NEBL: variants seen among roughly 807,000 people sequenced by gnomAD.
The protein encoded by NEBL is LIM and SH3 protein 2.
NEBL carries 122 observed loss-of-function variants against 140.2 expected under a neutral mutation model. The ratio of observed to expected loss-of-function variants is 0.87; its 90% CI spans 0.75 to 1.01. NEBL has a LOEUF of 1.01. Ranked by LOEUF, NEBL falls within the 50% of genes least tolerant of loss-of-function variation. NEBL has a pLI of 0.00. For synonymous variants in NEBL, 436 were observed against 398.9 expected, an observed-to-expected ratio of 1.09 and a Z score of -1.11; for missense variants, 1,365 against 1,231.3, an observed-to-expected ratio of 1.11 and a Z score of -1.62.
In NEBL at chr10:20,783,499, T is replaced by A. The variant is rs1835162769; in HGVS notation, c.*2248A>T. 2 of 152,224 alleles carry A rather than the reference T, an allele frequency of 1.3e-5. No homozygotes were observed. 9.4% of individuals were successfully genotyped at this position (152,224 alleles called of 1,614,324 possible). A position where few individuals can be genotyped will look rare whatever the true frequency, so the allele number is the denominator to read the frequency against. Reference sequence around the variant, plus strand: ...TGTATTGACTTTTATGCTCAGTGAATCTGGTTTTGAAATCGGTGGATGAAA... The same window carrying A: ...TGTATTGACTTTTATGCTCAGTGAAACTGGTTTTGAAATCGGTGGATGAAA... On this transcript the variant is annotated 3_prime_UTR_variant, in exon 28 of 28. Transcript: ENST00000377122.
chr10:21,265,503 T>C (rs1417127845), intron 1 of NEBL, among the ~76,000 whole-genome samples: 1 of 152,218 alleles, frequency 6.6e-6, no homozygotes, highest in Non-Finnish European at 1.5e-5. Flanking sequence ...GTATTTCTGA[T>C]TGCTGTGTGA....
intron 2 of NEBL, among the ~76,000 whole-genome samples, chr10:20,895,984 G>A (rs1485863456): frequency 6.6e-6 from 1 of 152,164 alleles, no homozygotes; most frequent in Non-Finnish European, 1.5e-5. Context: ...CAAGGTTACT[G>A]GGGAGTCAAC....
chr10:20,951,137 G>T (rs1348780208), intron 4 of NEBL, among the ~76,000 whole-genome samples: 7 of 152,038 alleles, frequency 4.6e-5, no homozygotes, highest in Admixed American at 2.6e-4. Context: ...AGCTGACTTT[G>T]TTACAATTGA....
intron 1 of NEBL, among the ~76,000 whole-genome samples, chr10:21,261,505 T>C (rs1052818460): frequency 4.0e-5 from 6 of 151,392 alleles, no homozygotes; most frequent in African/African-American, 1.5e-4. Flanking sequence ...ACAAACAATA[T>C]AAAAATCAGC....
At chr10:21,172,175 G>A (rs1427134890) in intron 2 of NEBL, 11 of 590,812 alleles carry the variant, frequency 1.9e-5, no homozygotes, top group Non-Finnish European at 3.3e-5. Context: ...GATTGAAGAT[G>A]CATAGACGTT....
At chr10:20,900,580 T>C (rs1167630554), upstream of NEBL, among the ~76,000 whole-genome samples, 1 of 150,306 alleles carries the variant, frequency 6.7e-6, no homozygotes, top group African/African-American at 2.5e-5. Context: ...TCCTAGCACT[T>C]CGGGAGGCCA....
chr10:20,785,686 C>G lies in NEBL; in HGVS notation c.*61G>C. On this transcript the variant is annotated 3_prime_UTR_variant, in exon 28 of 28. Transcript: ENST00000377122. ...AAGTTGTCTTAAAAGTATCTTCTAT[C>G]TTTTAAAAAGATTAGGTTTGGGATA... 1 of 1,556,672 alleles carries G rather than the reference C, an allele frequency of 6.4e-7. No individual in the cohort carries two copies. Among genetic ancestry groups the G allele is most frequent in the Non-Finnish European group, 8.8e-7 (1 of 1,142,010 alleles).
chr10:21,002,596 T>C lies in NEBL; in HGVS notation c.249+17521A>G, dbSNP rs182153378. ...AACTGGCTCACAGTTCTGCAGGCTG[T>C]ACAGGAAGCATGGATGGAGAGGTCT... On this transcript the variant is annotated intron_variant, in intron 3 of 6. Transcript: ENST00000417816. Among the ~76,000 whole-genome samples the C allele has an allele frequency of 1.0e-3, 154 of 152,302 alleles. 1 individual carries two copies. Among genetic ancestry groups the C allele is most frequent in the African/African-American group, 3.6e-3 (150 of 41,558 alleles).
chr10:21,120,374 CAAAA>C (rs1157067083), intron 2 of NEBL, among the ~76,000 whole-genome samples: 737 of 48,158 alleles, frequency 0.015, 43 homozygotes, highest in East Asian at 0.1. Context: ...GACTGTGTCT[CAAAA>C]AAAAAAAAAA....
At chr10:21,100,180 C>G (rs1837407281) in intron 2 of NEBL, among the ~76,000 whole-genome samples, 1 of 152,148 alleles carries the variant, frequency 6.6e-6, no homozygotes. Flanking sequence ...ACCTCTGCTG[C>G]TGTGATCACC....
At chr10:21,256,872 T>C (rs771524967) in intron 1 of NEBL, among the ~76,000 whole-genome samples, 2 of 152,208 alleles carry the variant, frequency 1.3e-5, no homozygotes, top group Non-Finnish European at 2.9e-5. Context: ...TTACTCTTCC[T>C]AATTATTTTT....
At chr10:21,226,401 C>T (rs370358693) in intron 3 of NEBL, among the ~76,000 whole-genome samples, 1 of 152,148 alleles carries the variant, frequency 6.6e-6, no homozygotes, top group African/African-American at 2.4e-5. Context: ...CACTAGTTCA[C>T]ATGCCCCAAA....
At chr10:21,110,898 GTCTGTACAAAATCAA>G (rs1837977009) in intron 2 of NEBL, 1 of 580,722 alleles carries the variant, frequency 1.7e-6, no homozygotes, top group East Asian at 3.1e-5. Context: ...CTTTGAAAAT[GTCTGTACAAAATCAA>G]TGTGCAAAAA....
At chr10:20,844,534 A>G (rs1164536478) in intron 12 of NEBL, among the ~76,000 whole-genome samples, 3 of 151,294 alleles carry the variant, frequency 2.0e-5, no homozygotes, top group African/African-American at 7.3e-5. Flanking sequence ...AAGCTTTTAA[A>G]GGTGGACTAT....
rs76114020 is a variant in NEBL, at chr10:21,227,849, T to C, written n.348+20072A>G. ...CTTCTTTCTTCTTCTTCTTTCTTCT[T>C]CTTTCTTCTTCTTCTTTTTATCTCA... On this transcript the variant is annotated intron_variant and non_coding_transcript_variant, in intron 3 of 8. Coordinates refer to the NEBL transcript ENST00000675702. Among the ~76,000 whole-genome samples, 829 of 151,668 alleles carry C rather than the reference T, an allele frequency of 5.5e-3. 3 individuals are homozygous for C. Among genetic ancestry groups the C allele is most frequent in the Admixed American group, 8.6e-3 (130 of 15,202 alleles).
At chr10:21,028,475 C>G (rs1329638328) in intron 2 of NEBL, among the ~76,000 whole-genome samples, 1 of 152,046 alleles carries the variant, frequency 6.6e-6, no homozygotes, top group African/African-American at 2.4e-5. Flanking sequence ...CAGGCACACA[C>G]ACAAACACAC....
intron 3 of NEBL, among the ~76,000 whole-genome samples, chr10:21,013,494 C>T (rs1375668522): frequency 1.3e-5 from 2 of 152,170 alleles, no homozygotes; most frequent in Non-Finnish European, 2.9e-5. Context: ...GCATAAAAGG[C>T]TTCTTGTCCA....
chr10:21,213,610 C>T (rs892602794), intron 3 of NEBL, among the ~76,000 whole-genome samples: 2 of 152,128 alleles, frequency 1.3e-5, no homozygotes, highest in Admixed American at 6.5e-5. Flanking sequence ...GCTCTCAGGA[C>T]TTAGCAATGA....
chr10:21,126,359 C>T (rs551172219), intron 2 of NEBL, among the ~76,000 whole-genome samples: 50 of 152,156 alleles, frequency 3.3e-4, no homozygotes, highest in African/African-American at 1.2e-3. Flanking sequence ...AGTGTGGACC[C>T]CTCTCAAGCC....
Sources: gnomAD v4.1 joint callset for allele counts (sites outside exome capture counted in the v4.1 genomes callset) on GRCh38, gnomAD v4.1.1 for gene constraint, MANE v1.5 for transcripts, NCBI Gene and HGNC (gene_info 2026-07-23, HGNC 2026-07-21) for gene names.